TPST1: variants seen among roughly 807,000 people sequenced by gnomAD.
The protein encoded by TPST1 is tyrosylprotein sulfotransferase 1.
TPST1 carries 20 observed loss-of-function variants against 34.8 expected under a neutral mutation model. The ratio of observed to expected loss-of-function variants is 0.57; its 90% CI spans 0.40 to 0.84. The LOEUF is 0.84. TPST1 is among the 40% of genes least tolerant of loss of function. The probability of loss-of-function intolerance (pLI) is 0.00; values close to 1 mark genes in which losing one functional copy is unlikely to be tolerated. For synonymous variants in TPST1, 152 were observed against 159.4 expected (o/e 0.95, Z 0.35); for missense variants, 353 against 455.5 (o/e 0.78, Z 2.05).
At chr7:66,276,055 G>T (rs1790803513) in intron 2 of TPST1, among the ~76,000 whole-genome samples, 1 of 150,944 alleles carries the variant, frequency 6.6e-6, no homozygotes, top group East Asian at 1.9e-4. Flanking sequence ...TCTCCTATAG[G>T]TAATTTGGAT....
At chr7:66,233,039 T>C (rs1352550311) in intron 1 of TPST1, among the ~76,000 whole-genome samples, 1 of 152,234 alleles carries the variant, frequency 6.6e-6, no homozygotes, top group Non-Finnish European at 1.5e-5. Flanking sequence ...CTTTGCCCAT[T>C]TTAAAATTGT....
At chr7:66,350,229 G>A (rs1381899636) in intron 3 of TPST1, among the ~76,000 whole-genome samples, 1 of 152,136 alleles carries the variant, frequency 6.6e-6, no homozygotes, top group African/African-American at 2.4e-5. Flanking sequence ...TGGCCAGGCT[G>A]GTCTCGAACT....
rs576891807 is a variant in TPST1 at position 66,224,788 on chromosome 7, C to G, written c.-101-15537C>G. Among the ~76,000 whole-genome samples the G allele has an allele frequency of 1.1e-4, 17 of 151,878 alleles. No homozygotes were observed. In the East Asian group the frequency reaches 3.1e-3, roughly 28 times the overall value. On this transcript the variant is annotated intron_variant, in intron 1 of 5. Coordinates refer to ENST00000304842, the MANE Select transcript of TPST1 (RefSeq NM_003596.4). ...TTTCTAGGAGTCTATTTCATTTGGC[C>G]TGCTGGGAAAGAGCAGTTCTATTAA...
chr7:66,203,238 T>C (rs1437991057), upstream of TPST1, among the ~76,000 whole-genome samples: 1 of 151,650 alleles, frequency 6.6e-6, no homozygotes, highest in Non-Finnish European at 1.5e-5. Context: ...TATATAATTA[T>C]TATTTTTTTT....
intron 3 of TPST1, among the ~76,000 whole-genome samples, chr7:66,324,162 A>G (rs975508865): frequency 1.3e-5 from 2 of 152,206 alleles, no homozygotes; most frequent in African/African-American, 4.8e-5. Context: ...AAAAGGACAA[A>G]TGTTGTATAA....
At chr7:66,279,389 A>G (rs1417339493) in intron 2 of TPST1, among the ~76,000 whole-genome samples, 1 of 152,184 alleles carries the variant, frequency 6.6e-6, no homozygotes, top group Admixed American at 6.5e-5. Flanking sequence ...TGCGATGAAC[A>G]TACAGTTACA....
chr7:66,204,013 C>T (rs1219302274), upstream of TPST1, among the ~76,000 whole-genome samples: 1 of 151,794 alleles, frequency 6.6e-6, no homozygotes, highest in African/African-American at 2.4e-5. Context: ...CCCGTCTCTA[C>T]TAAAAATATA....
chr7:66,253,027 T>C (rs1790300336), intron 2 of TPST1, among the ~76,000 whole-genome samples: 1 of 152,144 alleles, frequency 6.6e-6, no homozygotes, highest in Non-Finnish European at 1.5e-5. Flanking sequence ...TAACCTCAGG[T>C]CAAAAACATT....
intron 1 of TPST1, among the ~76,000 whole-genome samples, chr7:66,211,826 C>A (rs1017898858): frequency 6.6e-6 from 1 of 152,126 alleles, no homozygotes; most frequent in Admixed American, 6.5e-5. Flanking sequence ...ATTAGCTGGG[C>A]ATGGTGGTGG....
chr7:66,217,997 A>T (rs1231692182), intron 1 of TPST1, among the ~76,000 whole-genome samples: 2 of 152,026 alleles, frequency 1.3e-5, no homozygotes, highest in African/African-American at 4.8e-5. Context: ...CTCCTGCCTC[A>T]GCCTCCTGAG....
chr7:66,218,524 A>G (rs117667396), intron 1 of TPST1, among the ~76,000 whole-genome samples: 1 of 152,220 alleles, frequency 6.6e-6, no homozygotes, highest in African/African-American at 2.4e-5. Context: ...ATAACAAGAC[A>G]ATGAAAGTTC....
At chr7:66,303,015 CCTT>C (rs146028394) in intron 3 of TPST1, among the ~76,000 whole-genome samples, 1,906 of 152,264 alleles carry the variant, frequency 0.013, 37 homozygotes, top group African/African-American at 0.043. Flanking sequence ...CCTTGATTGT[CCTT>C]CTTCTCATCT....
intron 2 of TPST1, among the ~76,000 whole-genome samples, chr7:66,247,825 T>C (rs1790181975): frequency 1.3e-5 from 2 of 152,120 alleles, no homozygotes; most frequent in Non-Finnish European, 2.9e-5. Flanking sequence ...GGAGGACTCC[T>C]TGTGGCTTCA....
At chr7:66,202,263 CTCAGAGGCTGGACCCTG>C (rs1236070872), upstream of TPST1, among the ~76,000 whole-genome samples, 2 of 152,106 alleles carry the variant, frequency 1.3e-5, no homozygotes, top group Non-Finnish European at 2.9e-5. Context: ...TTACTTCTGC[CTCAGAGGCTGGACCCTG>C]TCAGAGGCTG....
At chr7:66,311,979 G>C (rs1220737168) in intron 3 of TPST1, among the ~76,000 whole-genome samples, 1 of 152,106 alleles carries the variant, frequency 6.6e-6, no homozygotes, top group Non-Finnish European at 1.5e-5. Context: ...ATCCTTTTGG[G>C]GCTAATGAGT....
At chr7:66,293,277 G>A (rs1791125181) in intron 3 of TPST1, among the ~76,000 whole-genome samples, 1 of 151,974 alleles carries the variant, frequency 6.6e-6, no homozygotes, top group African/African-American at 2.4e-5. Flanking sequence ...GGAAGGCCGA[G>A]ATGCGAGTGA....
intron 2 of TPST1, among the ~76,000 whole-genome samples, chr7:66,242,204 A>G (rs1790050077): frequency 6.6e-6 from 1 of 152,098 alleles, no homozygotes; most frequent in Non-Finnish European, 1.5e-5. Context: ...CTATAACTAA[A>G]TTTTATTTTT....
chr7:66,278,538 A>G (rs1790867229), intron 2 of TPST1, among the ~76,000 whole-genome samples: 1 of 152,056 alleles, frequency 6.6e-6, no homozygotes, highest in Non-Finnish European at 1.5e-5. Context: ...TAATCCCAGC[A>G]CTTTGGGAGG....
chr7:66,271,740 A>G (rs1238741466), intron 2 of TPST1, among the ~76,000 whole-genome samples: 1 of 152,116 alleles, frequency 6.6e-6, no homozygotes, highest in African/African-American at 2.4e-5. Flanking sequence ...TTGTGAGTAT[A>G]TATTAATCCA....
Sources: allele counts gnomAD v4.1 joint callset (sites outside exome capture counted in the v4.1 genomes callset), GRCh38; gene constraint gnomAD v4.1.1; transcripts MANE v1.5; gene names NCBI Gene and HGNC (gene_info 2026-07-23, HGNC 2026-07-21).